ZDHHC11: variants seen among roughly 807,000 people sequenced by gnomAD.
The protein encoded by ZDHHC11 is palmitoyltransferase ZDHHC11.
In ZDHHC11, 44 loss-of-function variants were observed where a neutral mutation model predicts 51.3. The observed-to-expected ratio is 0.86, with a 90% CI of 0.67 to 1.10. The LOEUF (loss-of-function observed/expected upper bound fraction) is 1.10, where lower values mean the gene tolerates loss of function less well. ZDHHC11 is among the 50% of genes least tolerant of loss of function. The probability of loss-of-function intolerance (pLI) is 0.00; values close to 1 mark genes in which losing one functional copy is unlikely to be tolerated. For missense variants in ZDHHC11, 400 were observed against 537.7 expected (o/e 0.74, Z 2.53); for synonymous variants, 163 against 222.0 (o/e 0.73, Z 2.36).
At chr5:814,177 G>A (rs1337297134) in intron 11 of ZDHHC11, among the ~76,000 whole-genome samples, 2 of 146,146 alleles carry the variant, frequency 1.4e-5, no homozygotes, top group Non-Finnish European at 3.0e-5. Flanking sequence ...TATGTTCTGT[G>A]AGAAGTGTAT....
chr5:844,978 T>A (rs1300510885), intron 3 of ZDHHC11, among the ~76,000 whole-genome samples: 1 of 152,298 alleles, frequency 6.6e-6, no homozygotes, highest in African/African-American at 2.4e-5. Flanking sequence ...CCTCCTTTAA[T>A]CCTTTCCATT....
At chr5:829,768 G>A (rs1490476637) in intron 7 of ZDHHC11, among the ~76,000 whole-genome samples, 1 of 151,412 alleles carries the variant, frequency 6.6e-6, no homozygotes, top group African/African-American at 2.4e-5. Flanking sequence ...GAATCAAACA[G>A]CATAGCAAAA....
chr5:852,187 C>G (rs1331257251), upstream of ZDHHC11, among the ~76,000 whole-genome samples: 1 of 152,044 alleles, frequency 6.6e-6, no homozygotes, highest in African/African-American at 2.4e-5. Context: ...TGCCAACAAA[C>G]AGAAATGATG....
At chr5:854,817 G>C (rs1455111778), upstream of ZDHHC11, among the ~76,000 whole-genome samples, 1 of 146,048 alleles carries the variant, frequency 6.8e-6, no homozygotes, top group African/African-American at 2.5e-5. Context: ...ACCCCACAGA[G>C]GACAGCGAGC....
chr5:809,003 AC>A, intron 11 of ZDHHC11, among the ~76,000 whole-genome samples: 1 of 146,688 alleles, frequency 6.8e-6, no homozygotes, highest in Middle Eastern at 3.4e-3. Flanking sequence ...ACACACACAC[AC>A]ACACACACAC....
At chr5:800,883 A>G (rs922165886) in intron 12 of ZDHHC11, among the ~76,000 whole-genome samples, 4 of 151,380 alleles carry the variant, frequency 2.6e-5, no homozygotes, top group African/African-American at 9.7e-5. Flanking sequence ...CTAGAAAATA[A>G]AGATGAATTG....
intron 6 of ZDHHC11, among the ~76,000 whole-genome samples, 199 bp downstream of exon 6, chr5:837,166 G>A (rs1743988914): frequency 6.6e-6 from 1 of 152,116 alleles, no homozygotes; most frequent in African/African-American, 2.4e-5. Context: ...GAAGTCCGTG[G>A]TGCATGACTG....
intron 8 of ZDHHC11, among the ~76,000 whole-genome samples, chr5:822,455 G>A (rs1174659774): frequency 6.6e-6 from 1 of 151,534 alleles, no homozygotes; most frequent in African/African-American, 2.4e-5. Flanking sequence ...CTCTAGCAAA[G>A]AAAAACACCT....
At chr5:843,808 C>A (rs1579767501) in intron 3 of ZDHHC11, 84 bp from the exon 4 acceptor site, 1 of 59,016 alleles carries the variant, frequency 1.7e-5, no homozygotes, top group South Asian at 6.3e-4. Context: ...GGCACGGGGG[C>A]AGGGGGTGTG....
intron 7 of ZDHHC11, among the ~76,000 whole-genome samples, chr5:826,258 C>CGGCGA (rs1742353052): frequency 3.8e-4 from 1 of 2,638 alleles, no homozygotes; most frequent in African/African-American, 9.5e-4. Flanking sequence ...TCCAGATTTT[C>CGGCGA]CCACTGAAAT....
chr5:841,391 C>A (rs1744921609), intron 4 of ZDHHC11: 1 of 919,680 alleles, frequency 1.1e-6, no homozygotes, highest in Admixed American at 1.1e-4. Flanking sequence ...ACAGTGCCCA[C>A]CCCTTCCTCA....
At chr5:849,212 C>A (rs374382943) in intron 1 of ZDHHC11, among the ~76,000 whole-genome samples, 9 of 151,672 alleles carry the variant, frequency 5.9e-5, no homozygotes, top group Admixed American at 5.9e-4. Flanking sequence ...GGGAAGGCTG[C>A]CCCCGTGCCC....
chr5:813,874 C>T (rs951036163), intron 11 of ZDHHC11, among the ~76,000 whole-genome samples: 6 of 140,500 alleles, frequency 4.3e-5, no homozygotes, highest in Middle Eastern at 6.9e-3. Flanking sequence ...TGACTGTGTG[C>T]GAGTGTGTGT....
At chr5:810,319 G>A (rs1410978270) in intron 11 of ZDHHC11, among the ~76,000 whole-genome samples, 1 of 148,676 alleles carries the variant, frequency 6.7e-6, no homozygotes, top group Non-Finnish European at 1.5e-5. Flanking sequence ...CTTCACACGC[G>A]AAATCCTGCT....
chr5:831,230 C>T lies in ZDHHC11; in HGVS notation c.935+2543G>A, dbSNP rs1249851848. Among the ~76,000 whole-genome samples, 5 of 149,554 alleles carry T rather than the reference C, an allele frequency of 3.3e-5. No homozygotes were observed. The East Asian group carries it at 9.8e-4, about 29-fold the overall frequency. On this transcript the variant is annotated intron_variant, in intron 7 of 12. Coordinates refer to ENST00000283441, the MANE Select transcript of ZDHHC11 (RefSeq NM_024786.3). ...AGGAAGAAAATATTAACAATCTGTA[C>T]ATCTGACAAAGGACTAGTATCCAGA...
In ZDHHC11 at chr5:850,699, G is replaced by C; in HGVS notation, c.-97C>G. 4 of 1,432,824 alleles carry C rather than the reference G, an allele frequency of 2.8e-6. No homozygotes were observed. The highest frequency in any genetic ancestry group is 2.9e-6 in the Non-Finnish European group (3 of 1,048,108). 88.8% of individuals were successfully genotyped at this position (1,432,824 alleles called of 1,614,324 possible). A position where few individuals can be genotyped will look rare whatever the true frequency, so the allele number is the denominator to read the frequency against. ...GACCAAGGGGACTGGGAATGCAGCC[G>C]CCAGGACCAGCACTGACAGCCAATG... On this transcript the variant is annotated 5_prime_UTR_variant, in exon 1 of 13. Transcript: ENST00000283441.
At chr5:797,502 TTCAG>T (rs1199019291) in intron 12 of ZDHHC11, among the ~76,000 whole-genome samples, 2 of 151,512 alleles carry the variant, frequency 1.3e-5, no homozygotes, top group Non-Finnish European at 3.0e-5. Flanking sequence ...TTGTATCTAT[TTCAG>T]TAATTTCTTC....
rs1288242454 is a variant in ZDHHC11 at position 803,089 on chromosome 5, C to T, written c.1182-1925G>A. ...TGAATGGTGTACATGAGCCAGCTAC[C>T]GCCTCGATTTCTTAGTCTTCCTGTG... On this transcript the variant is annotated intron_variant, in intron 11 of 12. Coordinates refer to ENST00000283441, the MANE Select transcript of ZDHHC11 (RefSeq NM_024786.3). Among the ~76,000 whole-genome samples the T allele has an allele frequency of 8.6e-5, 13 of 151,004 alleles. 1 individual carries two copies. The highest frequency in any genetic ancestry group is 2.0e-4 in the Admixed American group (3 of 15,190).
In ZDHHC11 at chr5:803,660, G is replaced by C. The variant is rs183434912; in HGVS notation, c.1182-2496C>G. On this transcript the variant is annotated intron_variant, in intron 11 of 12. Transcript: ENST00000283441. ...AAGACTTGGCATAAACTATGTCTGT[G>C]AAAGTTCAGACATTTGAACTACTAG... Among the ~76,000 whole-genome samples, 15 of 151,168 alleles carry C rather than the reference G, an allele frequency of 9.9e-5. 1 individual carries two copies. In the East Asian group the frequency reaches 2.1e-3, roughly 21 times the overall value.
Sources: allele counts gnomAD v4.1 joint callset (sites outside exome capture counted in the v4.1 genomes callset), GRCh38; gene constraint gnomAD v4.1.1; transcripts MANE v1.5; gene names NCBI Gene and HGNC (gene_info 2026-07-23, HGNC 2026-07-21).